ADGRE1: variants seen among roughly 807,000 people sequenced by gnomAD.
ADGRE1 encodes EGF-like module receptor 1.
ADGRE1 carries 82 observed loss-of-function variants against 102.7 expected under a neutral mutation model. The ratio of observed to expected loss-of-function variants is 0.80; its 90% CI spans 0.67 to 0.96. The LOEUF is 0.96. Ranked by LOEUF, ADGRE1 falls within the 40% of genes least tolerant of loss-of-function variation. ADGRE1 has a pLI of 0.00. For missense variants in ADGRE1, 1,032 were observed against 1,085.3 expected, an observed-to-expected ratio of 0.95 and a Z score of 0.69; for synonymous variants, 398 against 399.6, an observed-to-expected ratio of 1.00 and a Z score of 0.05.
At chr19:6,891,879 G>A (rs949772163) in intron 2 of ADGRE1, among the ~76,000 whole-genome samples, 2 of 152,104 alleles carry the variant, frequency 1.3e-5, no homozygotes, top group Non-Finnish European at 1.5e-5. Flanking sequence ...GGTGGGATAG[G>A]GCATGTCTGG....
In ADGRE1 at chr19:6,929,234, A is replaced by G. The variant is rs561935301; in HGVS notation, c.2289+1023A>G. On this transcript the variant is annotated intron_variant, in intron 17 of 20. Coordinates refer to ENST00000312053, the MANE Select transcript of ADGRE1 (RefSeq NM_001974.5). ...AGGTTTAATAGGCAAAAGAAAGAGA[A>G]AGGAGACTAGCTCTCTGTGTCTTGC... Among the ~76,000 whole-genome samples the G allele has an allele frequency of 1.3e-4, 20 of 152,286 alleles. No homozygotes were observed. In the East Asian group the frequency reaches 2.9e-3, roughly 22 times the overall value.
rs1178460748 is a variant in ADGRE1, at chr19:6,897,185, G to A, written c.275G>A (p.Gly92Asp). 1.9e-6 allele frequency: 3 copies of A among 1,612,270 alleles called. No individual in the cohort carries two copies. Among genetic ancestry groups the A allele is most frequent in the Non-Finnish European group, 2.5e-6 (3 of 1,179,776 alleles). Residue 92 changes from glycine to aspartate, a missense_variant, in exon 4 of 21, where the codon GGT becomes GAT. By Grantham distance (94) the Gly-to-Asp change is moderately conservative. Transcript: ENST00000312053. ...TGTTCTCAAAGCCCCCAGCCCTGTGGTCCTAACTCATCCTGCAAAAACCTG... is the reference window on the plus strand; with the variant it reads ...TGTTCTCAAAGCCCCCAGCCCTGTGATCCTAACTCATCCTGCAAAAACCTG... ...DECSQSPQPC[G>D]PNSSCKNLSG...
intron 6 of ADGRE1, 55 bp from the exon 7 acceptor site, chr19:6,903,755 T>G (rs1973850163): frequency 2.5e-6 from 4 of 1,605,022 alleles, no homozygotes; most frequent in Non-Finnish European, 3.4e-6. Flanking sequence ...AAGGGAAGCA[T>G]GATTTTGTTG....
rs1441107203 is a variant in ADGRE1 at position 6,926,410 on chromosome 19, T to C, written c.2031T>C (p.Leu677=). Residue 677 remains leucine (L), a synonymous_variant, in exon 16 of 21, where the codon CTT becomes CTC. Coordinates refer to ENST00000312053, the MANE Select transcript of ADGRE1 (RefSeq NM_001974.5). ...CGGGCTTCCTGCACTACCTTTTCCT[T>C]GCCTGCTTCTTCTGGATGCTGGTGG... ...IIAGFLHYLF[L]ACFFWMLVEA... is the part of the protein sequence containing the mutation. 3 of 1,614,110 alleles carry C rather than the reference T, an allele frequency of 1.9e-6. No individual in the cohort carries two copies. In the African/African-American group the frequency reaches 4.0e-5, roughly 22 times the overall value.
In ADGRE1 at chr19:6,937,604, A is replaced by T. The variant is rs199921444; in HGVS notation, c.2611A>T (p.Thr871Ser). The change falls in exon 20 of 21, where the codon ACC (threonine) becomes TCC (serine). Residue 871 changes from threonine to serine, a missense_variant. Physicochemically the swap from Thr to Ser is moderately conservative, Grantham distance 58. Coordinates refer to ENST00000312053, the MANE Select transcript of ADGRE1 (RefSeq NM_001974.5). ...GACGAAGCCCAGCTCCCAGTCCCAGACCTCAAGGATCTTGCTGTCCTCCAT... is the reference window on the plus strand; with the variant it reads ...GACGAAGCCCAGCTCCCAGTCCCAGTCCTCAAGGATCTTGCTGTCCTCCAT... ...GKTKPSSQSQ[T>S]SRILLSSMPS... The T allele has an allele frequency of 4.3e-6, 7 of 1,614,050 alleles. No homozygotes were observed. The East Asian group carries it at 1.3e-4, about 31-fold the overall frequency.
Position 6,937,292 on chromosome 19 carries a change from T to G in ADGRE1, c.2431T>G (p.Trp811Gly). The change falls in exon 19 of 21, where the codon TGG becomes GGG. Residue 811 changes from tryptophan to glycine, a missense_variant. Transcript: ENST00000312053. The part of the protein sequence containing the change: ...FAQLFILGCS[W>G]VLGIFQIGPV... ...CCAGCTCTTCATCCTGGGCTGCTCCTGGGTGCTGGGCATTTTTCAGATTGG... is the reference window on the plus strand; with the variant it reads ...CCAGCTCTTCATCCTGGGCTGCTCCGGGGTGCTGGGCATTTTTCAGATTGG... 1 of 1,614,174 alleles carries G rather than the reference T, an allele frequency of 6.2e-7. No individual in the cohort carries two copies. The highest frequency in any genetic ancestry group is 8.5e-7 in the Non-Finnish European group (1 of 1,180,022).
Position 6,940,098 on chromosome 19 carries a change from C to T in ADGRE1, c.*69C>T. The T allele has an allele frequency of 1.9e-6, 3 of 1,546,144 alleles. No individual in the cohort carries two copies. The highest frequency in any genetic ancestry group is 2.7e-6 in the Non-Finnish European group (3 of 1,123,344). ...GACAGTAGTTTCCTGCAGGAGCCTA[C>T]CCTGAAATCTCTTCTCAGCTTAACA... On this transcript the variant is annotated 3_prime_UTR_variant, in exon 21 of 21. Transcript: ENST00000312053.
chr19:6,921,580 C>G (rs1974667440), intron 13 of ADGRE1, 133 bp from the exon 14 acceptor site: 1 of 1,041,926 alleles, frequency 9.6e-7, no homozygotes, highest in Non-Finnish European at 1.3e-6. Flanking sequence ...GAAATACCAG[C>G]ATTTTTCCCC....
chr19:6,902,307 G>A (rs764416009), intron 6 of ADGRE1, among the ~76,000 whole-genome samples: 59 of 152,138 alleles, frequency 3.9e-4, no homozygotes, highest in Non-Finnish European at 8.1e-4. Flanking sequence ...TCAGTCCATA[G>A]CACCCATGAA....
intron 20 of ADGRE1, among the ~76,000 whole-genome samples, chr19:6,938,789 C>CTTTCTTTT (rs1199372832): frequency 6.9e-6 from 1 of 145,976 alleles, no homozygotes; most frequent in African/African-American, 2.6e-5. Context: ...TTCTTTCTTT[C>CTTTCTTTT]TTTCTTTTTT....
intron 3 of ADGRE1, chr19:6,896,930 C>A (rs330878): frequency 1.8e-6 from 1 of 563,442 alleles, no homozygotes; most frequent in Admixed American, 3.3e-5. Context: ...CAAGGTAGAA[C>A]TACATGATAT....
Position 6,897,201 on chromosome 19 carries a change from C to T in ADGRE1, c.291C>T (p.Cys97=). ...AGCCCTGTGGTCCTAACTCATCCTGCAAAAACCTGTCAGGGAGGTACAAGT... is the reference window on the plus strand; with the variant it reads ...AGCCCTGTGGTCCTAACTCATCCTGTAAAAACCTGTCAGGGAGGTACAAGT... ...SPQPCGPNSS[C]KNLSGRYKCS... is the part of the protein sequence containing the mutation. Residue 97 remains cysteine, a synonymous_variant, in exon 4 of 21, where the codon TGC becomes TGT. Transcript: ENST00000312053. 6.2e-7 allele frequency: 1 copy of T among 1,612,706 alleles called. No individual in the cohort carries two copies. Among genetic ancestry groups the T allele is most frequent in the Non-Finnish European group, 8.5e-7 (1 of 1,179,822 alleles).
rs371501030 is a variant in ADGRE1, at chr19:6,937,566, G to C, written c.2573G>C (p.Trp858Ser). ...CAGGTACGAGAAGAATACAAGAGGT[G>C]GATCACTGGGAAGACGAAGCCCAGC... ...NGQVREEYKRWITGKTKPSSQ... is the reference protein window; with the variant it reads ...NGQVREEYKRSITGKTKPSSQ... Residue 858 changes from tryptophan (W) to serine (S), a missense_variant, in exon 20 of 21, where the codon TGG (tryptophan) becomes TCG (serine). By Grantham distance (177) the Trp-to-Ser change is radical. Transcript: ENST00000312053. The C allele has an allele frequency of 8.1e-6, 13 of 1,613,990 alleles. 2 individuals carry two copies. Among genetic ancestry groups the C allele is most frequent in the East Asian group, 4.5e-5 (2 of 44,864 alleles).
At position 6,921,836 on chromosome 19, in the gene ADGRE1, A is replaced by C. The variant is rs1475054434; in HGVS notation, c.1744A>C (p.Asn582His). The C allele has an allele frequency of 2.0e-5, 32 of 1,614,014 alleles. No homozygotes were observed. Among genetic ancestry groups the C allele is most frequent in the Non-Finnish European group, 2.7e-5 (32 of 1,180,014 alleles). Residue 582 changes from asparagine (N) to histidine (H), a missense_variant, in exon 14 of 21, where the codon AAT becomes CAT. Physicochemically the swap from Asn to His is moderately conservative, Grantham distance 68. Coordinates refer to ENST00000312053, the MANE Select transcript of ADGRE1 (RefSeq NM_001974.5). ...ASETYTICSC[N>H]QMANLAVIMA... ...TGAGACATATACCATCTGCAGCTGTAATCAGATGGCAAATCTTGCCGTTAT... is the reference window on the plus strand; with the variant it reads ...TGAGACATATACCATCTGCAGCTGTCATCAGATGGCAAATCTTGCCGTTAT...
At chr19:6,939,174 C>G (rs554541650) in intron 20 of ADGRE1, among the ~76,000 whole-genome samples, 1 of 152,152 alleles carries the variant, frequency 6.6e-6, no homozygotes, top group Admixed American at 6.6e-5. Flanking sequence ...AGGAATCACC[C>G]CACTGGAAAA....
chr19:6,906,731 C>G (rs1326379825), intron 9 of ADGRE1, among the ~76,000 whole-genome samples: 1 of 152,188 alleles, frequency 6.6e-6, no homozygotes, highest in African/African-American at 2.4e-5. Context: ...CACAAGACTC[C>G]CACTTTGTGG....
chr19:6,907,539 C>T (rs568321831), intron 9 of ADGRE1, among the ~76,000 whole-genome samples: 1 of 152,124 alleles, frequency 6.6e-6, no homozygotes, highest in African/African-American at 2.4e-5. Context: ...GGGGTTTTGC[C>T]ATGTTGGCCA....
At chr19:6,933,108 C>T (rs1248882435) in intron 17 of ADGRE1, among the ~76,000 whole-genome samples, 1 of 152,108 alleles carries the variant, frequency 6.6e-6, no homozygotes, top group African/African-American at 2.4e-5. Context: ...GTAATCCCAG[C>T]TACTCAGGAG....
At chr19:6,911,916 T>C (rs1027732321) in intron 10 of ADGRE1, among the ~76,000 whole-genome samples, 3 of 150,708 alleles carry the variant, frequency 2.0e-5, no homozygotes, top group African/African-American at 7.3e-5. Flanking sequence ...TTTACACACA[T>C]ACACACATGT....
Sources: allele counts gnomAD v4.1 joint callset (sites outside exome capture counted in the v4.1 genomes callset), GRCh38; gene constraint gnomAD v4.1.1; transcripts MANE v1.5; gene names NCBI Gene and HGNC (gene_info 2026-07-23, HGNC 2026-07-21).